The following ADGB variants were observed in gnomAD, a reference collection of about 807,000 sequenced individuals.
The protein encoded by ADGB is androglobin, also known as calpain-7-like protein.
Under a neutral mutation model 210.5 loss-of-function variants are expected in ADGB, and 172 were observed. The observed-to-expected ratio is 0.82, with a 90% CI of 0.72 to 0.93. The LOEUF (loss-of-function observed/expected upper bound fraction) is 0.93, where lower values mean the gene tolerates loss of function less well. Ranked by LOEUF, ADGB falls within the 40% of genes least tolerant of loss-of-function variation. ADGB has a pLI of 0.00. For synonymous variants in ADGB, 658 were observed against 662.7 expected (o/e 0.99, Z 0.11); for missense variants, 2,025 against 1,964.8 (o/e 1.03, Z -0.58).
intron 18 of ADGB, 173 bp from the exon 19 acceptor site, chr6:146,725,909 GT>G (rs1776888322): frequency 4.3e-6 from 2 of 468,030 alleles, no homozygotes; most frequent in Non-Finnish European, 7.8e-6. Flanking sequence ...TCATGATCCC[GT>G]AGGGTTCTTA....
intron 9 of ADGB, among the ~76,000 whole-genome samples, chr6:146,676,811 A>G (rs1395230048): frequency 2.0e-5 from 3 of 152,216 alleles, no homozygotes; most frequent in Non-Finnish European, 1.5e-5. Context: ...CAAAAAGCCT[A>G]CATCTGGCTC....
intron 13 of ADGB, among the ~76,000 whole-genome samples, chr6:146,713,747 T>C (rs1776691758): frequency 6.6e-6 from 1 of 152,098 alleles, no homozygotes; most frequent in South Asian, 2.1e-4. Flanking sequence ...TTTCTTTTTT[T>C]TTATTTTGAT....
intron 13 of ADGB, among the ~76,000 whole-genome samples, chr6:146,707,717 A>T (rs896406787): frequency 6.6e-6 from 1 of 151,978 alleles, no homozygotes; most frequent in African/African-American, 2.4e-5. Flanking sequence ...TTTTCAGTCT[A>T]TATGTGTCTT....
At chr6:146,689,842 G>T (rs1430157991) in intron 10 of ADGB, among the ~76,000 whole-genome samples, 2 of 152,006 alleles carry the variant, frequency 1.3e-5, no homozygotes, top group Non-Finnish European at 2.9e-5. Flanking sequence ...TATAGAAAAA[G>T]GTTTAGATCT....
intron 29 of ADGB, among the ~76,000 whole-genome samples, chr6:146,778,258 G>A (rs1444713462): frequency 1.3e-5 from 2 of 152,120 alleles, no homozygotes; most frequent in Non-Finnish European, 2.9e-5. Context: ...CCTCATATTT[G>A]GGTTAGGATG....
chr6:146,815,015 G>A lies in ADGB; in HGVS notation c.4819-17G>A, dbSNP rs1778362734. On this transcript the variant is annotated splice_polypyrimidine_tract_variant and intron_variant, in intron 35 of 35. Coordinates refer to ENST00000397944, the MANE Select transcript of ADGB (RefSeq NM_024694.4). ...TACCAGTGGAACTTATTTGTTTGGG[G>A]TTTTGCTTTGGAACAGGACTCCTTA... 2.6e-6 allele frequency: 4 copies of A among 1,523,490 alleles called. No individual in the cohort carries two copies. Among genetic ancestry groups the A allele is most frequent in the Non-Finnish European group, 3.5e-6 (4 of 1,139,710 alleles). The allele number at this position is 1,523,490 out of a possible 1,614,324, so 94.4% of individuals were successfully genotyped here. A position where few individuals can be genotyped will look rare whatever the true frequency, so the allele number is the denominator to read the frequency against.
At chr6:146,724,381 T>C (rs1281927946) in intron 18 of ADGB, 54 bp downstream of exon 18, 1 of 1,471,732 alleles carries the variant, frequency 6.8e-7, no homozygotes, top group Admixed American at 2.8e-5. Context: ...GGCTTGCAAA[T>C]TGTTGGTTAC....
Position 146,691,286 on chromosome 6 carries a change from T to A in ADGB, c.1482T>A (p.Ala494=). The part of the protein sequence containing the change: ...QKKETVITDE[A]QELIVKKPER... ...AGGAAACTGTTATAACAGATGAAGC[T>A]CAAGGTATGTATCACATCATCTTCA... Residue 494 remains alanine (A), a synonymous_variant, in exon 11 of 36, where the codon GCT becomes GCA. Transcript: ENST00000397944. 6.5e-7 allele frequency: 1 copy of A among 1,543,104 alleles called. No homozygotes were observed. Among genetic ancestry groups the A allele is most frequent in the South Asian group, 1.2e-5 (1 of 83,420 alleles).
intron 1 of ADGB, among the ~76,000 whole-genome samples, chr6:146,627,604 G>T (rs968954688): frequency 2.0e-5 from 3 of 152,116 alleles, no homozygotes; most frequent in African/African-American, 4.8e-5. Flanking sequence ...AGTAATACTA[G>T]TTCTGGTTCA....
At chr6:146,714,199 G>A (rs1037877879) in intron 13 of ADGB, among the ~76,000 whole-genome samples, 1 of 152,192 alleles carries the variant, frequency 6.6e-6, no homozygotes, top group African/African-American at 2.4e-5. Context: ...AAGAGTTGCT[G>A]ATTAGAAGCA....
intron 3 of ADGB, 114 bp downstream of exon 3, chr6:146,644,979 G>A (rs1775586185): frequency 1.9e-6 from 1 of 532,616 alleles, no homozygotes; most frequent in Non-Finnish European, 3.2e-6. Flanking sequence ...GTGGTATTCA[G>A]TAAAAAAGTA....
At chr6:146,672,825 G>A (rs930494709) in intron 8 of ADGB, among the ~76,000 whole-genome samples, 1 of 151,338 alleles carries the variant, frequency 6.6e-6, no homozygotes, top group Non-Finnish European at 1.5e-5. Flanking sequence ...TCATCTCCCA[G>A]GATCAAGTGA....
intron 1 of ADGB, among the ~76,000 whole-genome samples, chr6:146,613,341 A>G (rs1441326807): frequency 2.6e-5 from 4 of 152,222 alleles, no homozygotes; most frequent in Non-Finnish European, 5.9e-5. Flanking sequence ...TCTGAAGAGT[A>G]AAACTCAGAA....
intron 1 of ADGB, among the ~76,000 whole-genome samples, chr6:146,614,994 G>T (rs763314729): frequency 1.4e-4 from 21 of 152,156 alleles, no homozygotes; most frequent in South Asian, 1.0e-3. Context: ...TTCGCCTCCC[G>T]GGTTCACGCC....
At chr6:146,629,374 T>C (rs975080324) in intron 1 of ADGB, among the ~76,000 whole-genome samples, 1 of 152,292 alleles carries the variant, frequency 6.6e-6, no homozygotes, top group Admixed American at 6.5e-5. Context: ...ACACTGTAGG[T>C]GATCTATTGG....
Position 146,733,180 on chromosome 6 carries a change from A to G in ADGB, c.2581A>G (p.Asn861Asp). The change falls in exon 21 of 36, where the codon AAC (asparagine) becomes GAC (aspartate). Residue 861 changes from asparagine to aspartate, a missense_variant. Physicochemically the swap from Asn to Asp is conservative, Grantham distance 23. Transcript: ENST00000397944. ...KKVQITKPPP[N>D]FKFAFRAMVL... is the part of the protein sequence containing the mutation. ...AGTTCAAATAACAAAACCTCCTCCA[A>G]ACTTCAAATTTGCATTCCGGGCTAT... is the stretch of plus-strand genomic sequence containing the variant. 1 of 1,542,430 alleles carries G rather than the reference A, an allele frequency of 6.5e-7. No homozygotes were observed. The highest frequency in any genetic ancestry group is 1.4e-5 in the African/African-American group (1 of 72,966).
chr6:146,731,001 T>G (rs1927217), intron 20 of ADGB, among the ~76,000 whole-genome samples: 77,042 of 151,972 alleles, frequency 0.51, 20,654 homozygotes, highest in African/African-American at 0.68. Flanking sequence ...CAGAGAGAGA[T>G]AACTTATCAT....
At position 146,746,022 on chromosome 6, in the gene ADGB, G is replaced by A. The variant is rs1376979493; in HGVS notation, c.3278G>A (p.Cys1093Tyr). The change falls in exon 26 of 36, where the codon TGC becomes TAC. Residue 1093 changes from cysteine (C) to tyrosine (Y), a missense_variant. Cys to Tyr is a radical substitution (Grantham distance 194, BLOSUM62 -2). Transcript: ENST00000397944. Reference sequence around the variant, plus strand: ...ATCGGTTCTTCTGCTCCACTGCCATGCCTCTCTCGAGACTCTCCATGCAAT... The same window carrying A: ...ATCGGTTCTTCTGCTCCACTGCCATACCTCTCTCGAGACTCTCCATGCAAT... ...RLIGSSAPLPCLSRDSPCNSF... is the reference protein window; with the variant it reads ...RLIGSSAPLPYLSRDSPCNSF... The A allele has an allele frequency of 1.9e-6, 3 of 1,551,278 alleles. No homozygotes were observed. Among genetic ancestry groups the A allele is most frequent in the Non-Finnish European group, 1.7e-6 (2 of 1,146,758 alleles).
chr6:146,800,156 C>G (rs549737943), intron 33 of ADGB, among the ~76,000 whole-genome samples: 13 of 152,018 alleles, frequency 8.6e-5, no homozygotes, highest in African/African-American at 3.1e-4. Context: ...TTAAATGAAC[C>G]AAGCAGGGAG....
Sources: gnomAD v4.1 joint callset for allele counts (sites outside exome capture counted in the v4.1 genomes callset) on GRCh38, gnomAD v4.1.1 for gene constraint, MANE v1.5 for transcripts, NCBI Gene and HGNC (gene_info 2026-07-23, HGNC 2026-07-21) for gene names.